The following VPS13A variants were observed in gnomAD, a reference collection of about 807,000 sequenced individuals.
VPS13A encodes the protein vacuolar protein sorting 13 homolog A.
Under a neutral mutation model 390.9 loss-of-function variants are expected in VPS13A, and 264 were observed. That is an observed-to-expected ratio of 0.68 (90% CI 0.61 to 0.75). The LOEUF (loss-of-function observed/expected upper bound fraction) is 0.75. Ranked by LOEUF, VPS13A falls within the 30% of genes least tolerant of loss-of-function variation. VPS13A has a pLI of 0.00. For missense variants in VPS13A, 3,409 were observed against 3,733.9 expected, an observed-to-expected ratio of 0.91 and a Z score of 2.27; for synonymous variants, 1,231 against 1,227.1, an observed-to-expected ratio of 1.00 and a Z score of -0.07.
Position 77,317,712 on chromosome 9 carries a change from T to C in VPS13A, c.4956+14T>C. On this transcript the variant is annotated intron_variant, in intron 40 of 71. Transcript: ENST00000360280. ...CTGACACTAAAGGTAAATTAAAATA[T>C]AATCATTTGAATATTTAGTGCACTT... 3 of 1,559,758 alleles carry C rather than the reference T, an allele frequency of 1.9e-6. No individual in the cohort carries two copies. The highest frequency in any genetic ancestry group is 2.6e-6 in the Non-Finnish European group (3 of 1,145,008).
intron 23 of VPS13A, among the ~76,000 whole-genome samples, chr9:77,265,237 G>C (rs2131305556): frequency 6.6e-6 from 1 of 152,284 alleles, no homozygotes; most frequent in East Asian, 1.9e-4. Context: ...CGTTCATCAG[G>C]GATATTAGCC....
At chr9:77,301,508 C>G (rs961882310) in intron 33 of VPS13A, among the ~76,000 whole-genome samples, 1 of 152,168 alleles carries the variant, frequency 6.6e-6, no homozygotes, top group Non-Finnish European at 1.5e-5. Context: ...TTTGGGAGAT[C>G]CCTGATGAAC....
Position 77,339,943 on chromosome 9 carries a change from C to T in VPS13A, c.6774+32C>T, listed in dbSNP as rs763598650. 2.5e-6 allele frequency: 4 copies of T among 1,599,640 alleles called. No homozygotes were observed. The South Asian group carries it at 4.4e-5, about 18-fold the overall frequency. On this transcript the variant is annotated intron_variant, in intron 48 of 71. Transcript: ENST00000360280. ...GATGTTTATTCTGTTTTTCCCTTGT[C>T]TTTAGCTACTTGTCACTTTTTAGTT... is the stretch of plus-strand genomic sequence containing the variant.
Position 77,405,891 on chromosome 9 carries a change from A to G in VPS13A, c.9303A>G (p.Thr3101=). The change falls in exon 70 of 72, where the codon ACA becomes ACG. Residue 3101 remains threonine, a synonymous_variant. Coordinates refer to ENST00000360280, the MANE Select transcript of VPS13A (RefSeq NM_033305.3). ...RRGVLFVTKG[T]FGQLTCEWQY... ...GTGTATTGTTTGTAACAAAGGGAAC[A>G]TTTGGACAACTCACGTGTGAGTGGC... 6.2e-7 allele frequency: 1 copy of G among 1,613,882 alleles called. No individual in the cohort carries two copies. The highest frequency in any genetic ancestry group is 8.5e-7 in the Non-Finnish European group (1 of 1,179,996).
intron 47 of VPS13A, 96 bp downstream of exon 47, chr9:77,337,633 A>G (rs1830607389): frequency 1.6e-6 from 2 of 1,258,974 alleles, no homozygotes; most frequent in Non-Finnish European, 2.2e-6. Flanking sequence ...AAGATCTAAT[A>G]AAAATTAGAA....
intron 68 of VPS13A, among the ~76,000 whole-genome samples, chr9:77,383,843 C>T (rs999148944): frequency 6.6e-6 from 1 of 151,540 alleles, no homozygotes; most frequent in Non-Finnish European, 1.5e-5. Flanking sequence ...TTTCAGCAAG[C>T]ATTTACACAG....
At chr9:77,293,620 T>A in intron 32 of VPS13A, 112 bp downstream of exon 32, 2 of 587,808 alleles carry the variant, frequency 3.4e-6, no homozygotes, top group Non-Finnish European at 5.2e-6. Context: ...TCTGATTTTT[T>A]AAATCTTCTG....
intron 35 of VPS13A, among the ~76,000 whole-genome samples, chr9:77,312,959 A>G (rs1195804059): frequency 1.3e-5 from 2 of 152,174 alleles, no homozygotes; most frequent in African/African-American, 4.8e-5. Context: ...AAGTGCATAT[A>G]TACACAAAAT....
At chr9:77,342,294 A>G (rs1490533237) in intron 50 of VPS13A, among the ~76,000 whole-genome samples, 1 of 152,224 alleles carries the variant, frequency 6.6e-6, no homozygotes, top group Non-Finnish European at 1.5e-5. Context: ...AAAATGCTCC[A>G]AAATTCGAAA....
chr9:77,356,900 A>G, intron 55 of VPS13A, 33 bp downstream of exon 55: 1 of 1,611,116 alleles, frequency 6.2e-7, no homozygotes. Context: ...TGAAGTTTTA[A>G]TTTTTTGCCT....
intron 62 of VPS13A, 94 bp from the exon 63 acceptor site, chr9:77,369,205 T>C: frequency 2.2e-6 from 2 of 898,004 alleles, no homozygotes; most frequent in Non-Finnish European, 3.7e-6. Context: ...TTAAAGGTGT[T>C]GGCCTGAGAA....
intron 67 of VPS13A, among the ~76,000 whole-genome samples, chr9:77,371,854 A>G (rs1302293210): frequency 2.4e-5 from 3 of 122,994 alleles, no homozygotes; most frequent in Non-Finnish European, 4.9e-5. Context: ...TCCTGTGTCC[A>G]TGTGATCTCA....
chr9:77,376,543 G>C (rs888681765), intron 67 of VPS13A, among the ~76,000 whole-genome samples: 3 of 152,186 alleles, frequency 2.0e-5, no homozygotes, highest in Admixed American at 1.3e-4. Context: ...TTGGATGCAG[G>C]ATATGAAAGA....
intron 61 of VPS13A, 130 bp downstream of exon 61, chr9:77,367,002 A>G: frequency 1.2e-6 from 1 of 824,058 alleles, no homozygotes; most frequent in Non-Finnish European, 1.9e-6. Context: ...TTTGCATTCA[A>G]GTGAAGTGCA....
intron 23 of VPS13A, among the ~76,000 whole-genome samples, chr9:77,271,208 G>T (rs1418255634): frequency 6.6e-6 from 1 of 152,028 alleles, no homozygotes; most frequent in Non-Finnish European, 1.5e-5. Context: ...AAAGATGTTC[G>T]ACTTTATTAC....
At chr9:77,413,275 A>G (rs1461395972) in intron 71 of VPS13A, among the ~76,000 whole-genome samples, 3 of 152,224 alleles carry the variant, frequency 2.0e-5, no homozygotes, top group Non-Finnish European at 1.5e-5. Context: ...AAGAGCCCAC[A>G]TCGCCAAGTC....
chr9:77,177,629 CGAGG>C lies in VPS13A; in HGVS notation c.-70_-67del. The C allele has an allele frequency of 7.2e-7, 1 of 1,389,422 alleles. No individual in the cohort carries two copies. The highest frequency in any genetic ancestry group is 1.0e-6 in the Non-Finnish European group (1 of 990,846). The allele number at this position is 1,389,422 out of a possible 1,614,324, so 86.1% of individuals were successfully genotyped here. ...CCGGAGCCGGTGAACCGAATTACCTCGAGGGAGGGGCGTGGGGAAGGCGGCGGGA... is the reference window on the plus strand; with the variant it reads ...CCGGAGCCGGTGAACCGAATTACCTCGAGGGGCGTGGGGAAGGCGGCGGGA... On this transcript the variant is annotated 5_prime_UTR_variant, in exon 1 of 72. Coordinates refer to ENST00000360280, the MANE Select transcript of VPS13A (RefSeq NM_033305.3).
At chr9:77,363,180 T>C (rs1187250606) in intron 59 of VPS13A, among the ~76,000 whole-genome samples, 2 of 152,122 alleles carry the variant, frequency 1.3e-5, no homozygotes, top group Non-Finnish European at 2.9e-5. Flanking sequence ...TTCTTTTGCC[T>C]CTGATCTTGG....
rs186158355 is a variant in VPS13A at position 77,390,323 on chromosome 9, C to T, written c.9189+8236C>T. ...AAAGCAGATTTCATGGAAAAGATTTCCATGGATTTTTGGATACAATTATCA... is the reference window on the plus strand; with the variant it reads ...AAAGCAGATTTCATGGAAAAGATTTTCATGGATTTTTGGATACAATTATCA... On this transcript the variant is annotated intron_variant, in intron 68 of 71. Transcript: ENST00000360280. 4.3e-3 allele frequency among the ~76,000 whole-genome samples: 653 copies of T among 152,190 alleles called. 4 individuals carry two copies. Among genetic ancestry groups the T allele is most frequent in the South Asian group, 0.01 (49 of 4,810 alleles).
Sources: allele counts gnomAD v4.1 joint callset (sites outside exome capture counted in the v4.1 genomes callset), GRCh38; gene constraint gnomAD v4.1.1; transcripts MANE v1.5; gene names NCBI Gene and HGNC (gene_info 2026-07-23, HGNC 2026-07-21).